JARID2: variants seen among roughly 807,000 people sequenced by gnomAD.
The protein encoded by JARID2 is protein Jumonji.
A neutral mutation model predicts 125.6 loss-of-function variants in JARID2; 21 were observed. That is an observed-to-expected ratio of 0.17 (90% CI 0.12 to 0.24). The LOEUF (loss-of-function observed/expected upper bound fraction) is 0.24. Ranked by LOEUF, JARID2 falls within the 10% of genes least tolerant of loss-of-function variation. JARID2 has a pLI of 1.00. For missense variants in JARID2, 1,303 were observed against 1,639.6 expected (o/e 0.79, Z 3.55); for synonymous variants, 736 against 661.6 (o/e 1.11, Z -1.73).
At position 15,496,849 on chromosome 6, in the gene JARID2, G is replaced by A. The variant is rs143082189; in HGVS notation, c.1624G>A (p.Ala542Thr). The A allele has an allele frequency of 1.3e-5, 21 of 1,601,536 alleles. No homozygotes were observed. The African/African-American group carries it at 2.5e-4, about 19-fold the overall frequency. Residue 542 changes from alanine to threonine, a missense_variant, in exon 7 of 18, where the codon GCC becomes ACC. Ala to Thr is a moderately conservative substitution (Grantham distance 58). This residue lies in a region of JARID2 where 651 missense variants were observed against 581.6 expected (regional missense o/e 1.12). Transcript: ENST00000341776. The stretch of plus-strand genomic sequence containing the variant: ...GCACAAGCCGCAGGACTCGGGCAAG[G>A]CCGAGAAGGGCGGCGGCAAGGCCGG... ...SVHKPQDSGK[A>T]EKGGGKAGWA...
intron 3 of JARID2, among the ~76,000 whole-genome samples, chr6:15,448,752 G>T (rs1051745532): frequency 4.6e-5 from 7 of 152,046 alleles, no homozygotes; most frequent in African/African-American, 1.7e-4. Flanking sequence ...TTGGAATGTG[G>T]ACCAAGGGTT....
At chr6:15,303,555 A>G (rs1338588617) in intron 1 of JARID2, among the ~76,000 whole-genome samples, 2 of 152,318 alleles carry the variant, frequency 1.3e-5, no homozygotes, top group East Asian at 1.9e-4. Context: ...GGCTTTCTAT[A>G]CATTTATTGG....
At chr6:15,417,979 T>C (rs1377162260) in intron 3 of JARID2, among the ~76,000 whole-genome samples, 1 of 152,108 alleles carries the variant, frequency 6.6e-6, no homozygotes, top group Non-Finnish European at 1.5e-5. Context: ...CAGATGGAAA[T>C]GTATGGGTAC....
intron 1 of JARID2, among the ~76,000 whole-genome samples, chr6:15,362,354 A>G (rs1763828227): frequency 2.6e-5 from 4 of 152,202 alleles, no homozygotes; most frequent in Non-Finnish European, 1.5e-5. Flanking sequence ...CTACTTGTTT[A>G]TTTCTAGGTG....
At chr6:15,486,546 C>G (rs755064342) in intron 5 of JARID2, among the ~76,000 whole-genome samples, 4 of 152,248 alleles carry the variant, frequency 2.6e-5, no homozygotes, top group African/African-American at 9.6e-5. Flanking sequence ...TAGGGTTGTT[C>G]TGAGGATTCA....
At chr6:15,334,175 C>T (rs1014037946) in intron 1 of JARID2, among the ~76,000 whole-genome samples, 35 of 152,146 alleles carry the variant, frequency 2.3e-4, no homozygotes, top group African/African-American at 7.2e-5. Flanking sequence ...CTCTTGATGA[C>T]ATTAAACTGT....
intron 1 of JARID2, among the ~76,000 whole-genome samples, chr6:15,285,106 G>GTTTTTTTTTTTTTTTTTTT (rs199945772): frequency 3.3e-5 from 4 of 119,460 alleles, no homozygotes; most frequent in African/African-American, 9.9e-5. Flanking sequence ...GTCTTTCTGG[G>GTTTTTTTTTTTTTTTTTTT]TTTTTTTTTT....
chr6:15,520,271 C>A lies in JARID2; in HGVS notation c.*20C>A. The A allele has an allele frequency of 1.3e-6, 2 of 1,550,918 alleles. No homozygotes were observed. The highest frequency in any genetic ancestry group is 1.4e-5 in the African/African-American group (1 of 71,864). On this transcript the variant is annotated 3_prime_UTR_variant, in exon 18 of 18. Coordinates refer to ENST00000341776, the MANE Select transcript of JARID2 (RefSeq NM_004973.4). The stretch of plus-strand genomic sequence containing the variant: ...TCATGAAGATGCCAACGCCCGTGGT[C>A]GATTTATATATATTTTTTTGTAATT...
intron 5 of JARID2, 132 bp downstream of exon 5, chr6:15,468,850 C>A: frequency 1.2e-6 from 1 of 806,874 alleles, no homozygotes; most frequent in South Asian, 1.9e-5. Context: ...CCAGACACTT[C>A]ATGGGCAAAG....
intron 14 of JARID2, 78 bp from the exon 15 acceptor site, chr6:15,512,837 G>A: frequency 4.4e-6 from 6 of 1,362,640 alleles, no homozygotes; most frequent in Non-Finnish European, 6.1e-6. Context: ...CAGCCTGCCT[G>A]CCCCCTCCAC....
At chr6:15,494,988 A>AT (rs1446789223) in intron 6 of JARID2, among the ~76,000 whole-genome samples, 1 of 152,212 alleles carries the variant, frequency 6.6e-6, no homozygotes, top group East Asian at 1.9e-4. Flanking sequence ...TAATTTTGTG[A>AT]TTTTTAGGCT....
chr6:15,286,718 T>C (rs1374595726), intron 1 of JARID2, among the ~76,000 whole-genome samples: 4 of 151,562 alleles, frequency 2.6e-5, no homozygotes, highest in Non-Finnish European at 5.9e-5. Flanking sequence ...AAAAATTAGC[T>C]GGGTGTGGTG....
intron 3 of JARID2, among the ~76,000 whole-genome samples, chr6:15,415,716 G>A (rs1422400193): frequency 1.1e-4 from 15 of 131,912 alleles, no homozygotes; most frequent in East Asian, 2.5e-4. Context: ...CCTCCTTCCC[G>A]GACGGGGCGG....
chr6:15,346,087 A>G (rs1265641504), intron 1 of JARID2, among the ~76,000 whole-genome samples: 1 of 152,224 alleles, frequency 6.6e-6, no homozygotes, highest in Non-Finnish European at 1.5e-5. Flanking sequence ...TCAGATGTAG[A>G]TTGGACGCTT....
chr6:15,444,896 C>G (rs967722858), intron 3 of JARID2, among the ~76,000 whole-genome samples: 3 of 151,060 alleles, frequency 2.0e-5, no homozygotes, highest in South Asian at 2.1e-4. Context: ...GCATGTACTT[C>G]CCTCAGCAAG....
At chr6:15,479,419 T>C (rs538675032) in intron 5 of JARID2, among the ~76,000 whole-genome samples, 4 of 152,374 alleles carry the variant, frequency 2.6e-5, no homozygotes, top group African/African-American at 7.2e-5. Context: ...AGGGCAGATA[T>C]ATCCAAGTCT....
At position 15,505,414 on chromosome 6, in the gene JARID2, G is replaced by C. The variant is rs1057080245; in HGVS notation, c.2541+822G>C. 3 of 147,176 alleles carry C rather than the reference G, an allele frequency of 2.0e-5. No homozygotes were observed. The East Asian group carries it at 6.0e-4, about 29-fold the overall frequency. The allele number at this position is 147,176 out of a possible 1,614,324, so 9.1% of individuals were successfully genotyped here. The stretch of plus-strand genomic sequence containing the variant: ...ATAAAATCCAAGGTCGGTTTGCCCC[G>C]TGTATACATGCTGACCACTGGGGGT... On this transcript the variant is annotated intron_variant, in intron 9 of 17. Coordinates refer to ENST00000341776, the MANE Select transcript of JARID2 (RefSeq NM_004973.4).
At chr6:15,429,529 A>G (rs1200516060) in intron 3 of JARID2, among the ~76,000 whole-genome samples, 1 of 152,132 alleles carries the variant, frequency 6.6e-6, no homozygotes, top group Non-Finnish European at 1.5e-5. Context: ...TCAGCCTCCC[A>G]AAGTGCTGAG....
intron 5 of JARID2, among the ~76,000 whole-genome samples, chr6:15,473,596 C>T (rs945401813): frequency 2.2e-5 from 3 of 138,698 alleles, no homozygotes; most frequent in Non-Finnish European, 3.1e-5. Flanking sequence ...GTGGTGTGAT[C>T]GTTGGGGCTC....
Sources: allele counts gnomAD v4.1 joint callset (sites outside exome capture counted in the v4.1 genomes callset), GRCh38; gene constraint gnomAD v4.1.1; regional missense constraint gnomAD v4.1.1; transcripts MANE v1.5; gene names NCBI Gene and HGNC (gene_info 2026-07-23, HGNC 2026-07-21).